Variants in COL5A1 observed in about 807,000 individuals in gnomAD.
The protein encoded by COL5A1 is collagen alpha-1(V) chain.
COL5A1 carries 16 observed loss-of-function variants against 263.7 expected under a neutral mutation model. The observed-to-expected ratio is 0.06, with a 90% CI of 0.04 to 0.09. The LOEUF (loss-of-function observed/expected upper bound fraction) is 0.09, where lower values mean the gene tolerates loss of function less well. Among genes scored for constraint, COL5A1 ranks in the 10% least tolerant of loss-of-function variants. The probability of loss-of-function intolerance (pLI) is 1.00; values close to 1 mark genes in which losing one functional copy is unlikely to be tolerated. For synonymous variants in COL5A1, 1,012 were observed against 1,004.5 expected, an observed-to-expected ratio of 1.01 and a Z score of -0.14; for missense variants, 2,036 against 2,540.5, an observed-to-expected ratio of 0.80 and a Z score of 4.27.
At chr9:134,674,998 T>C in intron 1 of COL5A1, among the ~76,000 whole-genome samples, 1 of 152,228 alleles carries the variant, frequency 6.6e-6, no homozygotes, top group East Asian at 1.9e-4. Flanking sequence ...TTAATACTAA[T>C]AATTATTAAT....
rs1831345263 is a variant in COL5A1, at chr9:134,642,838, G to GCGTTT, written c.109+544_109+548dup. On this transcript the variant is annotated intron_variant, in intron 1 of 65. Coordinates refer to ENST00000371817, the MANE Select transcript of COL5A1 (RefSeq NM_000093.5). This position sits in a 1 kb window ranked among gnomAD's most constrained non-coding sequence, Gnocchi z 4.5. ...TGGCGCCCTGCTTTCCCCAGGGACA[G>GCGTTT]CGTTTCCTGCAGCCTTGGTCACCTA... Among the ~76,000 whole-genome samples, 1 of 152,236 alleles carries GCGTTT rather than the reference G, an allele frequency of 6.6e-6. No individual in the cohort carries two copies. The highest frequency in any genetic ancestry group is 2.4e-5 in the African/African-American group (1 of 41,466).
intron 38 of COL5A1, 92 bp downstream of exon 38, chr9:134,802,099 G>C: frequency 7.9e-7 from 1 of 1,263,292 alleles, no homozygotes. Flanking sequence ...TTCCCTCCAC[G>C]ATTCCGGAGG....
chr9:134,685,068 C>A (rs1832975110), intron 1 of COL5A1, among the ~76,000 whole-genome samples: 22 of 18,074 alleles, frequency 1.2e-3, no homozygotes, highest in South Asian at 6.4e-3. Flanking sequence ...ATCCATCCAT[C>A]CATCCATCCA....
At chr9:134,780,666 C>T (rs146258685) in intron 28 of COL5A1, among the ~76,000 whole-genome samples, 86 of 152,342 alleles carry the variant, frequency 5.6e-4, no homozygotes, top group Non-Finnish European at 7.9e-4. Context: ...CTAAGCAGAT[C>T]ACTGTGGTGA....
At chr9:134,737,061 C>CTCAATGGT (rs1835125794) in intron 9 of COL5A1, among the ~76,000 whole-genome samples, 1 of 152,204 alleles carries the variant, frequency 6.6e-6, no homozygotes, top group Non-Finnish European at 1.5e-5. Context: ...ATGCTGGTGA[C>CTCAATGGT]GCTACAGTCC....
intron 32 of COL5A1, among the ~76,000 whole-genome samples, chr9:134,790,890 G>C (rs942904906): frequency 1.3e-5 from 2 of 152,110 alleles, no homozygotes; most frequent in East Asian, 3.9e-4. Context: ...GTCTGGGAGA[G>C]GATATGGCCT....
intron 1 of COL5A1, among the ~76,000 whole-genome samples, chr9:134,670,205 A>G (rs1832497270): frequency 6.6e-6 from 1 of 152,138 alleles, no homozygotes; most frequent in African/African-American, 2.4e-5. Flanking sequence ...GTTGTTTCCA[A>G]TCGTTTGCTG....
chr9:134,785,936 C>G, intron 30 of COL5A1, 59 bp from the exon 31 acceptor site: 3 of 1,508,600 alleles, frequency 2.0e-6, no homozygotes, highest in Non-Finnish European at 2.8e-6. Flanking sequence ...CTCTCTGCTC[C>G]GGGGAAACGG....
intron 11 of COL5A1, among the ~76,000 whole-genome samples, chr9:134,744,347 G>A (rs536771046): frequency 2.1e-5 from 3 of 140,892 alleles, no homozygotes; most frequent in Non-Finnish European, 3.1e-5. Context: ...TCATGCCTAC[G>A]TGCACGCACT....
intron 1 of COL5A1, among the ~76,000 whole-genome samples, chr9:134,685,137 T>TCCATCCACCATC (rs1410872881): frequency 1.0e-5 from 1 of 99,034 alleles, no homozygotes; most frequent in Non-Finnish European, 2.0e-5. Flanking sequence ...CATCCATCCA[T>TCCATCCACCATC]CATCCTCCCA....
chr9:134,817,657 C>T (rs899701860), intron 53 of COL5A1, 121 bp from the exon 54 acceptor site: 20 of 903,430 alleles, frequency 2.2e-5, no homozygotes, highest in East Asian at 7.9e-5. Context: ...CACCTGCACC[C>T]GAGCTCGTCC....
intron 5 of COL5A1, 145 bp downstream of exon 5, chr9:134,727,542 A>T (rs1834706550): frequency 1.1e-6 from 1 of 873,610 alleles, no homozygotes; most frequent in South Asian, 1.4e-5. Flanking sequence ...AAACATTGGG[A>T]TATCTGACTC....
chr9:134,704,357 G>A (rs1041489840), intron 4 of COL5A1, among the ~76,000 whole-genome samples: 2 of 152,300 alleles, frequency 1.3e-5, no homozygotes, highest in African/African-American at 4.8e-5. Context: ...ATGAGTGGCC[G>A]ACAGCAAACA....
chr9:134,756,022 G>A (rs940972711), intron 16 of COL5A1, among the ~76,000 whole-genome samples: 5 of 152,126 alleles, frequency 3.3e-5, no homozygotes, highest in African/African-American at 9.6e-5. Context: ...GTTCTCGCTG[G>A]CTGGGGTGCC....
chr9:134,752,660 A>T lies in COL5A1; in HGVS notation c.1719+15A>T. ...CTGGCCCTGTGGTAAGTCATTGGCAAATCTGAGAGCTGGGCGTGGTGTGGG... is the reference window on the plus strand; with the variant it reads ...CTGGCCCTGTGGTAAGTCATTGGCATATCTGAGAGCTGGGCGTGGTGTGGG... On this transcript the variant is annotated intron_variant, in intron 14 of 65. Coordinates refer to ENST00000371817, the MANE Select transcript of COL5A1 (RefSeq NM_000093.5). 1 of 1,605,784 alleles carries T rather than the reference A, an allele frequency of 6.2e-7. No individual in the cohort carries two copies. The highest frequency in any genetic ancestry group is 8.5e-7 in the Non-Finnish European group (1 of 1,172,828).
intron 2 of COL5A1, among the ~76,000 whole-genome samples, chr9:134,699,459 G>C (rs7034557): frequency 0.31 from 45,912 of 147,972 alleles, 7,467 homozygotes; most frequent in African/African-American, 0.41. Context: ...TCCTCCCTCC[G>C]TCTCTCTCCC....
chr9:134,685,504 CCATCACCATCCATCCAT>C (rs1833025734), intron 1 of COL5A1, among the ~76,000 whole-genome samples: 1 of 19,066 alleles, frequency 5.2e-5, no homozygotes, highest in African/African-American at 3.2e-4. Context: ...ATCCATCCAT[CCATCACCATCCATCCAT>C]CCATCCATCC....
chr9:134,839,080 G>A (rs1048359383), intron 65 of COL5A1, among the ~76,000 whole-genome samples: 12 of 152,262 alleles, frequency 7.9e-5, no homozygotes, highest in African/African-American at 2.4e-4. Flanking sequence ...CTCAGCCCCC[G>A]GAGGTCTGCA....
intron 37 of COL5A1, among the ~76,000 whole-genome samples, chr9:134,799,448 G>A (rs1002852587): frequency 3.9e-5 from 6 of 152,196 alleles, no homozygotes; most frequent in Non-Finnish European, 8.8e-5. Flanking sequence ...CCAGCTTAAA[G>A]GATGAATTGC....
Sources: allele counts gnomAD v4.1 joint callset (sites outside exome capture counted in the v4.1 genomes callset), GRCh38; gene constraint gnomAD v4.1.1; non-coding constraint Gnocchi (gnomAD v3.1); transcripts MANE v1.5; gene names NCBI Gene and HGNC (gene_info 2026-07-23, HGNC 2026-07-21).